The following PRR11 variants were observed in gnomAD, a reference collection of about 807,000 sequenced individuals.
PRR11 encodes proline rich 11.
Under a neutral mutation model 45.6 loss-of-function variants are expected in PRR11, and 30 were observed. The ratio of observed to expected loss-of-function variants is 0.66; its 90% CI spans 0.49 to 0.89. The LOEUF (loss-of-function observed/expected upper bound fraction) is 0.89. Among genes scored for constraint, PRR11 ranks in the 40% least tolerant of loss-of-function variants. The pLI is 0.00. For missense variants in PRR11, 373 were observed against 424.8 expected, an observed-to-expected ratio of 0.88 and a Z score of 1.07; for synonymous variants, 128 against 153.5, an observed-to-expected ratio of 0.83 and a Z score of 1.23.
chr17:59,178,021 G>A (rs1241297978), intron 2 of PRR11, among the ~76,000 whole-genome samples: 1 of 151,402 alleles, frequency 6.6e-6, no homozygotes, highest in East Asian at 1.9e-4. Flanking sequence ...AAAAAAACAG[G>A]TGGGCACCAA....
intron 4 of PRR11, 109 bp from the exon 5 acceptor site, chr17:59,193,383 G>A: frequency 7.6e-7 from 1 of 1,314,230 alleles, no homozygotes; most frequent in Non-Finnish European, 1.1e-6. Context: ...GAAGCACATG[G>A]TACGCTGAGA....
intron 5 of PRR11, among the ~76,000 whole-genome samples, chr17:59,194,507 T>G (rs1408109689): frequency 6.6e-6 from 1 of 152,154 alleles, no homozygotes; most frequent in Admixed American, 6.6e-5. Flanking sequence ...GTCCATCTCT[T>G]ATTTGTTAGC....
chr17:59,176,908 G>C (rs1479878117), intron 2 of PRR11, among the ~76,000 whole-genome samples: 1 of 151,934 alleles, frequency 6.6e-6, no homozygotes, highest in Non-Finnish European at 1.5e-5. Flanking sequence ...TGTTAGTCAG[G>C]CTGGTCTCAA....
At chr17:59,169,641 A>G (rs2046697225) in intron 1 of PRR11, 107 bp from the exon 2 acceptor site, 2 of 1,062,816 alleles carry the variant, frequency 1.9e-6, no homozygotes, top group South Asian at 3.9e-5. Flanking sequence ...TGGTGGTTTC[A>G]AGGGTGTGTT....
Position 59,185,432 on chromosome 17 carries a change from A to C in PRR11, c.280-8A>C. 1.9e-6 allele frequency: 3 copies of C among 1,590,260 alleles called. No individual in the cohort carries two copies. The Middle Eastern group carries it at 5.1e-4, about 269-fold the overall frequency. ...ATAGGACTCAGAATTGTTTATTATTAATTTCAGAGTTTAGAAGTATTGAAA... is the reference window on the plus strand; with the variant it reads ...ATAGGACTCAGAATTGTTTATTATTCATTTCAGAGTTTAGAAGTATTGAAA... On this transcript the variant is annotated splice_polypyrimidine_tract_variant and splice_region_variant and intron_variant, in intron 3 of 9. Coordinates refer to ENST00000262293, the MANE Select transcript of PRR11 (RefSeq NM_018304.4).
chr17:59,182,319 C>T (rs2046791831), intron 2 of PRR11, among the ~76,000 whole-genome samples: 1 of 151,220 alleles, frequency 6.6e-6, no homozygotes, highest in African/African-American at 2.4e-5. Context: ...TGAGCCACTG[C>T]ACCTGGCCTG....
chr17:59,174,358 T>G (rs1250376282), intron 2 of PRR11, among the ~76,000 whole-genome samples: 1 of 152,158 alleles, frequency 6.6e-6, no homozygotes, highest in African/African-American at 2.4e-5. Flanking sequence ...CATGATGAAG[T>G]CTCATGCTCT....
At chr17:59,177,360 G>A in intron 2 of PRR11, 1 of 532,958 alleles carries the variant, frequency 1.9e-6, no homozygotes, top group South Asian at 1.4e-5. Context: ...CATCAGAGAA[G>A]GGACCTGAGT....
chr17:59,180,489 C>T (rs1411484652), intron 2 of PRR11, among the ~76,000 whole-genome samples: 2 of 130,630 alleles, frequency 1.5e-5, no homozygotes, highest in East Asian at 2.2e-4. Context: ...CTTCTGGGCC[C>T]GTCCTTGTTT....
At chr17:59,191,512 C>T (rs2046840730) in intron 4 of PRR11, among the ~76,000 whole-genome samples, 1 of 152,120 alleles carries the variant, frequency 6.6e-6, no homozygotes, top group African/African-American at 2.4e-5. Context: ...AGCCACCGCA[C>T]CCAGCTAATG....
Position 59,204,619 on chromosome 17 carries a change from T to A in PRR11, c.*2988T>A, listed in dbSNP as rs2046909397. 1 of 151,268 alleles carries A rather than the reference T, an allele frequency of 6.6e-6. No homozygotes were observed. Among genetic ancestry groups the A allele is most frequent in the African/African-American group, 2.4e-5 (1 of 41,094 alleles). 9.4% of individuals were successfully genotyped at this position (151,268 alleles called of 1,614,324 possible). ...TACTCAGGAAGCTAAAGCACGAGAA[T>A]TATGTGCATCCTGGAGGTGAAGGTT... is the stretch of plus-strand genomic sequence containing the variant. On this transcript the variant is annotated 3_prime_UTR_variant, in exon 10 of 10. Coordinates refer to ENST00000262293, the MANE Select transcript of PRR11 (RefSeq NM_018304.4).
chr17:59,176,517 A>T (rs925668597), intron 2 of PRR11, among the ~76,000 whole-genome samples: 2 of 151,960 alleles, frequency 1.3e-5, no homozygotes, highest in African/African-American at 4.8e-5. Flanking sequence ...TGGCGTTTGC[A>T]GTTGATATGG....
At chr17:59,191,898 G>A (rs1804157703) in intron 4 of PRR11, among the ~76,000 whole-genome samples, 1 of 152,128 alleles carries the variant, frequency 6.6e-6, no homozygotes, top group South Asian at 2.1e-4. Context: ...AGGAGAAAAA[G>A]GCAAGTCATT....
intron 2 of PRR11, 124 bp downstream of exon 2, chr17:59,170,004 G>A: frequency 1.6e-6 from 2 of 1,275,872 alleles, no homozygotes; most frequent in Non-Finnish European, 2.1e-6. Flanking sequence ...TGTAATCCCA[G>A]CACTTTGGGA....
chr17:59,178,945 T>G (rs1224304791), intron 2 of PRR11, among the ~76,000 whole-genome samples: 1 of 152,172 alleles, frequency 6.6e-6, no homozygotes, highest in Admixed American at 6.5e-5. Context: ...AGACATTAAG[T>G]TTCAGAGGGC....
At chr17:59,189,314 G>C (rs1210199037) in intron 4 of PRR11, among the ~76,000 whole-genome samples, 2 of 147,536 alleles carry the variant, frequency 1.4e-5, no homozygotes, top group Non-Finnish European at 3.0e-5. Context: ...TATTATTTGA[G>C]ACAAAAAAAA....
intron 2 of PRR11, among the ~76,000 whole-genome samples, chr17:59,172,076 CCAAA>C (rs1408608038): frequency 6.6e-6 from 1 of 152,160 alleles, no homozygotes; most frequent in African/African-American, 2.4e-5. Context: ...CCAACATTTT[CCAAA>C]CAAACCAATA....
intron 2 of PRR11, among the ~76,000 whole-genome samples, chr17:59,171,600 C>T (rs1453886385): frequency 6.6e-6 from 1 of 151,924 alleles, no homozygotes; most frequent in Non-Finnish European, 1.5e-5. Flanking sequence ...TCCAAAAATA[C>T]CAGTATTTTC....
intron 1 of PRR11, among the ~76,000 whole-genome samples, chr17:59,161,936 T>C (rs1289407870): frequency 6.6e-6 from 1 of 152,222 alleles, no homozygotes; most frequent in Non-Finnish European, 1.5e-5. Context: ...TGGGCAATTA[T>C]CCTCTGGAAA....
Sources: gnomAD v4.1 joint callset for allele counts (sites outside exome capture counted in the v4.1 genomes callset) on GRCh38, gnomAD v4.1.1 for gene constraint, MANE v1.5 for transcripts, NCBI Gene and HGNC (gene_info 2026-07-23, HGNC 2026-07-21) for gene names.